Variants in NKAIN2 observed in about 807,000 individuals in gnomAD.
NKAIN2 encodes sodium/potassium transporting ATPase interacting 2.
A neutral mutation model predicts 32.6 loss-of-function variants in NKAIN2; 14 were observed. That is an observed-to-expected ratio of 0.43 (90% CI 0.28 to 0.67). The LOEUF is 0.67. Ranked by LOEUF, NKAIN2 falls within the 30% of genes least tolerant of loss-of-function variation. The pLI is 0.17. For synonymous variants in NKAIN2, 80 were observed against 87.2 expected (o/e 0.92, Z 0.46); for missense variants, 198 against 258.3 (o/e 0.77, Z 1.60).
chr6:124,160,234 G>T (rs997997818), intron 1 of NKAIN2, among the ~76,000 whole-genome samples: 5 of 152,122 alleles, frequency 3.3e-5, no homozygotes, highest in Admixed American at 2.6e-4. Flanking sequence ...TATCTATACA[G>T]CAGACTTTTC....
chr6:124,111,060 T>C (rs746678331), intron 1 of NKAIN2, among the ~76,000 whole-genome samples: 6 of 152,078 alleles, frequency 3.9e-5, no homozygotes, highest in Admixed American at 6.6e-5. Context: ...TTTCTAGCAA[T>C]TTGTTCATTT....
chr6:124,173,425 C>T (rs1187789837), intron 1 of NKAIN2, among the ~76,000 whole-genome samples: 2 of 152,054 alleles, frequency 1.3e-5, no homozygotes, highest in Non-Finnish European at 2.9e-5. Flanking sequence ...AGTGAGATAC[C>T]TATTCCTACC....
At chr6:124,586,982 G>A (rs1210592147) in intron 3 of NKAIN2, among the ~76,000 whole-genome samples, 1 of 152,152 alleles carries the variant, frequency 6.6e-6, no homozygotes, top group Non-Finnish European at 1.5e-5. Context: ...TTTTGGAAAA[G>A]GCAAAACTTC....
intron 1 of NKAIN2, among the ~76,000 whole-genome samples, chr6:124,230,492 A>C: frequency 6.6e-6 from 1 of 152,162 alleles, no homozygotes; most frequent in Non-Finnish European, 1.5e-5. Flanking sequence ...AAATGTCTTT[A>C]GGGCGTGTCA....
chr6:124,440,102 A>G (rs1310593654), intron 3 of NKAIN2, among the ~76,000 whole-genome samples: 2 of 152,062 alleles, frequency 1.3e-5, no homozygotes, highest in Non-Finnish European at 2.9e-5. Flanking sequence ...GCATTAACCA[A>G]TCATCAAATG....
intron 3 of NKAIN2, among the ~76,000 whole-genome samples, chr6:124,605,154 C>T (rs1782451479): frequency 1.3e-5 from 2 of 151,948 alleles, no homozygotes; most frequent in South Asian, 4.1e-4. Flanking sequence ...TGTTATGACT[C>T]TGAAAATTAA....
At chr6:124,809,364 G>C (rs368004542) in intron 5 of NKAIN2, among the ~76,000 whole-genome samples, 1 of 149,138 alleles carries the variant, frequency 6.7e-6, no homozygotes, top group Non-Finnish European at 1.5e-5. Context: ...ACAAACCTGA[G>C]AAAAACAAGC....
chr6:123,967,276 GT>G (rs1189864806), intron 1 of NKAIN2, among the ~76,000 whole-genome samples: 2 of 152,166 alleles, frequency 1.3e-5, no homozygotes, highest in African/African-American at 2.4e-5. Flanking sequence ...GACTCCGAGA[GT>G]TTTCTTTGAA....
chr6:124,271,577 T>A (rs1794792467), intron 1 of NKAIN2, among the ~76,000 whole-genome samples: 1 of 152,130 alleles, frequency 6.6e-6, no homozygotes, highest in African/African-American at 2.4e-5. Flanking sequence ...AGTGTGAAAA[T>A]GGACTAATAA....
chr6:124,769,146 GCC>G (rs1193324866), intron 4 of NKAIN2, among the ~76,000 whole-genome samples: 12 of 152,138 alleles, frequency 7.9e-5, no homozygotes. Context: ...ACTGTGAGCA[GCC>G]TGTGGTTTTG....
chr6:124,204,715 G>T (rs1439487223), intron 1 of NKAIN2, among the ~76,000 whole-genome samples: 1 of 151,624 alleles, frequency 6.6e-6, no homozygotes, highest in Non-Finnish European at 1.5e-5. Flanking sequence ...TAGATTGCTA[G>T]CATATTCTAG....
intron 3 of NKAIN2, among the ~76,000 whole-genome samples, chr6:124,636,453 C>T (rs1783777070): frequency 6.6e-6 from 1 of 151,596 alleles, no homozygotes; most frequent in African/African-American, 2.4e-5. Flanking sequence ...ATACAAAATA[C>T]AAAAGATCAA....
intron 1 of NKAIN2, among the ~76,000 whole-genome samples, chr6:123,912,958 T>C (rs183318033): frequency 8.5e-5 from 13 of 152,338 alleles, no homozygotes; most frequent in African/African-American, 2.9e-4. Context: ...TATTTATTTG[T>C]AGTATCCCTA....
chr6:124,473,215 A>C (rs1457102444), intron 3 of NKAIN2, among the ~76,000 whole-genome samples: 1 of 152,200 alleles, frequency 6.6e-6, no homozygotes, highest in Non-Finnish European at 1.5e-5. Context: ...TTTCTAAAAC[A>C]CTTACATTGG....
chr6:124,483,948 G>C (rs1236147141), intron 3 of NKAIN2, among the ~76,000 whole-genome samples: 1 of 152,206 alleles, frequency 6.6e-6, no homozygotes, highest in Admixed American at 6.5e-5. Context: ...ATTTTGCTAT[G>C]AAATCTTTAT....
chr6:124,409,188 C>T (rs1352628271), intron 3 of NKAIN2, among the ~76,000 whole-genome samples: 1 of 152,086 alleles, frequency 6.6e-6, no homozygotes, highest in Non-Finnish European at 1.5e-5. Context: ...CGTTTATTTC[C>T]TTCTCCTGCC....
chr6:124,411,867 G>A (rs188221044), intron 3 of NKAIN2, among the ~76,000 whole-genome samples: 3 of 152,180 alleles, frequency 2.0e-5, no homozygotes, highest in African/African-American at 2.4e-5. Context: ...ATTTCATGGA[G>A]GCTTTGTTCA....
chr6:124,158,769 T>C (rs1217796375), intron 1 of NKAIN2, among the ~76,000 whole-genome samples: 4 of 152,144 alleles, frequency 2.6e-5, no homozygotes, highest in African/African-American at 9.7e-5. Context: ...GCATTTATAG[T>C]CCAGAACCCT....
At chr6:124,383,095 C>T (rs1772719475) in intron 3 of NKAIN2, among the ~76,000 whole-genome samples, 1 of 152,118 alleles carries the variant, frequency 6.6e-6, no homozygotes, top group African/African-American at 2.4e-5. Context: ...ATAGTGTCAC[C>T]ATTCATCCAG....
Sources: allele counts gnomAD v4.1 joint callset (sites outside exome capture counted in the v4.1 genomes callset), GRCh38; gene constraint gnomAD v4.1.1; transcripts MANE v1.5; gene names NCBI Gene and HGNC (gene_info 2026-07-23, HGNC 2026-07-21).